USP34: variants seen among roughly 807,000 people sequenced by gnomAD.
USP34 encodes the protein ubiquitin specific peptidase 34, also known as ubiquitin carboxyl-terminal hydrolase 34.
In USP34, 70 loss-of-function variants were observed where a neutral mutation model predicts 460.3. The ratio of observed to expected loss-of-function variants is 0.15; its 90% CI spans 0.13 to 0.19. The LOEUF (loss-of-function observed/expected upper bound fraction) is 0.19. Among genes scored for constraint, USP34 ranks in the 10% least tolerant of loss-of-function variants. USP34 has a pLI of 1.00. For missense variants in USP34, 3,985 were observed against 4,236.2 expected (o/e 0.94, Z 1.65); for synonymous variants, 1,647 against 1,405.3 (o/e 1.17, Z -3.85).
intron 3 of USP34, among the ~76,000 whole-genome samples, chr2:61,397,946 A>T (rs1558570840): frequency 6.6e-6 from 1 of 152,098 alleles, no homozygotes. Flanking sequence ...ACACGCCTGT[A>T]ATCCCAGCTG....
chr2:61,264,544 G>A (rs928395494), intron 43 of USP34, among the ~76,000 whole-genome samples: 3 of 152,076 alleles, frequency 2.0e-5, no homozygotes, highest in Admixed American at 6.6e-5. Flanking sequence ...AGGAGGCTGA[G>A]GTGGGAGGAT....
intron 1 of USP34, among the ~76,000 whole-genome samples, chr2:61,460,889 A>G (rs62151764): frequency 6.6e-6 from 1 of 151,760 alleles, no homozygotes; most frequent in Admixed American, 6.6e-5. Context: ...AGGCTGAGGC[A>G]GGACAATCAC....
At chr2:61,456,268 T>G (rs1379109297) in intron 1 of USP34, among the ~76,000 whole-genome samples, 1 of 152,204 alleles carries the variant, frequency 6.6e-6, no homozygotes, top group Admixed American at 6.6e-5. Flanking sequence ...AAGCACACTC[T>G]TAGTTATGAG....
intron 16 of USP34, among the ~76,000 whole-genome samples, chr2:61,342,273 A>T (rs1467197126): frequency 1.4e-5 from 2 of 145,900 alleles, no homozygotes; most frequent in South Asian, 2.2e-4. Context: ...AGAGACACTG[A>T]GAGTGTACTT....
intron 6 of USP34, among the ~76,000 whole-genome samples, chr2:61,382,748 G>C (rs1693010680): frequency 6.6e-6 from 1 of 152,040 alleles, no homozygotes; most frequent in Admixed American, 6.6e-5. Context: ...TTTAAGTTGA[G>C]ACTTATAAAA....
intron 68 of USP34, among the ~76,000 whole-genome samples, chr2:61,212,141 G>A (rs1687287370): frequency 6.6e-6 from 1 of 152,204 alleles, no homozygotes; most frequent in Non-Finnish European, 1.5e-5. Flanking sequence ...GGGAGGCAGA[G>A]GCGGGCAGAT....
chr2:61,375,732 G>A (rs1415285663), intron 8 of USP34, among the ~76,000 whole-genome samples: 1 of 135,390 alleles, frequency 7.4e-6, no homozygotes, highest in Admixed American at 8.3e-5. Flanking sequence ...TCGCGCCACT[G>A]CACTCCAGCC....
chr2:61,382,428 G>A (rs532958849), intron 6 of USP34, among the ~76,000 whole-genome samples: 4 of 152,156 alleles, frequency 2.6e-5, no homozygotes, highest in Non-Finnish European at 4.4e-5. Context: ...TCTACAATAC[G>A]TCTTTCTAAT....
At chr2:61,406,868 G>T (rs1448030026) in intron 2 of USP34, among the ~76,000 whole-genome samples, 2 of 151,860 alleles carry the variant, frequency 1.3e-5, no homozygotes, top group East Asian at 3.9e-4. Flanking sequence ...AAAATAGCTG[G>T]GTATGGTGGT....
chr2:61,425,440 G>A (rs1694484081), intron 1 of USP34, among the ~76,000 whole-genome samples: 1 of 152,128 alleles, frequency 6.6e-6, no homozygotes, highest in Admixed American at 6.5e-5. Context: ...GAGCCTCTCG[G>A]TGCTGAGGGA....
chr2:61,193,668 T>G (rs914281698), intron 75 of USP34, among the ~76,000 whole-genome samples: 2 of 152,178 alleles, frequency 1.3e-5, no homozygotes, highest in African/African-American at 4.8e-5. Flanking sequence ...AGAAGCTTCA[T>G]TACCACAGTC....
intron 1 of USP34, among the ~76,000 whole-genome samples, chr2:61,448,099 C>T (rs1695170232): frequency 6.6e-6 from 1 of 152,284 alleles, no homozygotes; most frequent in Admixed American, 6.5e-5. Context: ...TACTTAATGC[C>T]ACTGTCTTTC....
Position 61,290,417 on chromosome 2 carries a change from C to G in USP34, c.4549-1540G>C, listed in dbSNP as rs150103597. Among the ~76,000 whole-genome samples the G allele has an allele frequency of 3.5e-3, 530 of 152,074 alleles. 1 individual carries two copies. Among genetic ancestry groups the G allele is most frequent in the African/African-American group, 0.011 (439 of 41,504 alleles). On this transcript the variant is annotated intron_variant, in intron 33 of 79. Transcript: ENST00000398571. ...TTACAGAAACTTTATTTTAACAACC[C>G]AAAACTGTAAGCCACTCAAATGTCA...
chr2:61,423,702 G>A (rs943459419), intron 1 of USP34, among the ~76,000 whole-genome samples: 3 of 152,290 alleles, frequency 2.0e-5, no homozygotes, highest in Admixed American at 1.3e-4. Context: ...CTAGTGCTTT[G>A]GTAGGTTGAG....
chr2:61,409,869 A>C (rs1693987756), intron 2 of USP34, among the ~76,000 whole-genome samples: 1 of 152,210 alleles, frequency 6.6e-6, no homozygotes, highest in Non-Finnish European at 1.5e-5. Context: ...AAAATACACA[A>C]GTTCAAAAAG....
intron 44 of USP34, 104 bp from the exon 45 acceptor site, chr2:61,257,454 A>C (rs1247808753): frequency 1.1e-6 from 1 of 902,486 alleles, no homozygotes; most frequent in Non-Finnish European, 1.5e-6. Flanking sequence ...TAGTAAATCT[A>C]CTAAGTTAGT....
chr2:61,361,270 AG>A (rs1692267729), intron 10 of USP34, among the ~76,000 whole-genome samples: 1 of 152,142 alleles, frequency 6.6e-6, no homozygotes, highest in South Asian at 2.1e-4. Flanking sequence ...AAAAATTAAA[AG>A]TTAGCTGGGC....
chr2:61,192,084 T>G (rs570386320), intron 76 of USP34, among the ~76,000 whole-genome samples: 44 of 152,264 alleles, frequency 2.9e-4, no homozygotes, highest in African/African-American at 1.1e-3. Flanking sequence ...TCTAGGAGAA[T>G]CCAGAGCACA....
At chr2:61,236,507 C>A (rs1688072028) in intron 53 of USP34, 118 bp from the exon 54 acceptor site, 5 of 721,004 alleles carry the variant, frequency 6.9e-6, no homozygotes, top group Non-Finnish European at 1.1e-5. Flanking sequence ...AAAATCCATG[C>A]ACTTTAAGTT....
Sources: gnomAD v4.1 joint callset for allele counts (sites outside exome capture counted in the v4.1 genomes callset) on GRCh38, gnomAD v4.1.1 for gene constraint, MANE v1.5 for transcripts, NCBI Gene and HGNC (gene_info 2026-07-23, HGNC 2026-07-21) for gene names.